Variants in GIGYF1 observed in about 807,000 individuals in gnomAD.
The protein encoded by GIGYF1 is GRB10 interacting GYF protein 1, also known as GRB10-interacting GYF protein 1.
GIGYF1 carries 84 observed loss-of-function variants against 147.1 expected under a neutral mutation model. The ratio of observed to expected loss-of-function variants is 0.57; its 90% CI spans 0.48 to 0.68. The LOEUF is 0.68. Among genes scored for constraint, GIGYF1 ranks in the 30% least tolerant of loss-of-function variants. The pLI is 0.00. For missense variants in GIGYF1, 1,485 were observed against 1,393.7 expected, an observed-to-expected ratio of 1.07 and a Z score of -1.04; for synonymous variants, 752 against 589.5, an observed-to-expected ratio of 1.28 and a Z score of -3.99.
At position 100,683,838 on chromosome 7, in the gene GIGYF1, G is replaced by A; in HGVS notation, c.1949C>T (p.Thr650Ile). 1.3e-6 allele frequency: 2 copies of A among 1,572,218 alleles called. No homozygotes were observed. The highest frequency in any genetic ancestry group is 1.7e-6 in the Non-Finnish European group (2 of 1,158,098). Residue 650 changes from threonine (T) to isoleucine (I), a missense_variant, in exon 19 of 27, where the codon ACC (threonine) becomes ATC (isoleucine). Coordinates refer to ENST00000678049, the MANE Select transcript of GIGYF1 (RefSeq NM_001375765.1). Reference protein sequence around the residue: ...PDSGRLWDVHTSASSQSGGEA... With the variant: ...PDSGRLWDVHISASSQSGGEA... ...CACACCTGACTGTGATGAGGCTGAG[G>A]TATGTACGTCCCAGAGGCGGCCCGA...
Position 100,682,397 on chromosome 7 carries a change from G to T in GIGYF1, c.2686C>A (p.Pro896Thr), listed in dbSNP as rs1461682628. The change falls in exon 24 of 27, where the codon CCC becomes ACC. Residue 896 changes from proline to threonine, a missense_variant. Physicochemically the swap from Pro to Thr is conservative, Grantham distance 38. Coordinates refer to ENST00000678049, the MANE Select transcript of GIGYF1 (RefSeq NM_001375765.1). ...TGGGTGAAGCCGTCCTGGGGCCTGG[G>T]AATGCCCTGCAGCAGCTTCAGCAGC... The part of the protein sequence containing the change: ...EKLLKLLQGI[P>T]RPQDGFTQWC... The T allele has an allele frequency of 6.2e-7, 1 of 1,613,640 alleles. No individual in the cohort carries two copies. The highest frequency in any genetic ancestry group is 8.5e-7 in the Non-Finnish European group (1 of 1,179,992).
In GIGYF1 at chr7:100,683,799, G is replaced by GA; in HGVS notation, c.1969+18dup. On this transcript the variant is annotated intron_variant, in intron 19 of 26. Coordinates refer to ENST00000678049, the MANE Select transcript of GIGYF1 (RefSeq NM_001375765.1). Reference sequence around the variant, plus strand: ...ACCCGGAGACTGCCTTGGGGGTGGGGACCAGTCAGGCCACACACCTGACTG... The same window carrying GA: ...ACCCGGAGACTGCCTTGGGGGTGGGGAACCAGTCAGGCCACACACCTGACTG... The GA allele has an allele frequency of 6.4e-7, 1 of 1,574,798 alleles. No individual in the cohort carries two copies. The highest frequency in any genetic ancestry group is 8.6e-7 in the Non-Finnish European group (1 of 1,157,942).
At position 100,684,088 on chromosome 7, in the gene GIGYF1, C is replaced by T. The variant is rs141594419; in HGVS notation, c.1800G>A (p.Pro600=). Residue 600 remains proline, a synonymous_variant, in exon 18 of 27, where the codon CCG becomes CCA. Coordinates refer to ENST00000678049, the MANE Select transcript of GIGYF1 (RefSeq NM_001375765.1). ...ALGDLTPPPP[P]PPQQQQQQLT... Reference sequence around the variant, plus strand: ...GCTGCTGCTGCTGCTGCTGTGGCGGCGGCGGTGGTGGCGGTGTCAGGTCCC... The same window carrying T: ...GCTGCTGCTGCTGCTGCTGTGGCGGTGGCGGTGGTGGCGGTGTCAGGTCCC... 76 of 1,606,508 alleles carry T rather than the reference C, an allele frequency of 4.7e-5. No homozygotes were observed. Among genetic ancestry groups the T allele is most frequent in the East Asian group, 3.6e-4 (16 of 44,858 alleles).
intron 1 of GIGYF1, 65 bp downstream of exon 1, chr7:100,694,045 T>C (rs1380997912): frequency 2.8e-5 from 4 of 142,326 alleles, no homozygotes; most frequent in Non-Finnish European, 6.2e-5. Flanking sequence ...CGCCGCGGCG[T>C]CGGGGGCGGG....
chr7:100,686,953 A>G, intron 9 of GIGYF1, 53 bp downstream of exon 9: 2 of 1,608,606 alleles, frequency 1.2e-6, no homozygotes, highest in South Asian at 1.1e-5. Context: ...AGACTGGGCC[A>G]CCCATCTTGG....
At position 100,686,369 on chromosome 7, in the gene GIGYF1, A is replaced by G; in HGVS notation, c.759T>C (p.Asp253=). 6.2e-7 allele frequency: 1 copy of G among 1,612,344 alleles called. No individual in the cohort carries two copies. ...CACACCCTCCTCGATCCCCTCGCAA[A>G]TCAAATTCAAACTTGCGCCGCCGTT... ...HGERRRKFEF[D]LRGDRGGCGE... is the part of the protein sequence containing the mutation. The change falls in exon 11 of 27, where the codon GAT becomes GAC. Residue 253 remains aspartate (D), a synonymous_variant. Coordinates refer to ENST00000678049, the MANE Select transcript of GIGYF1 (RefSeq NM_001375765.1).
Position 100,686,730 on chromosome 7 carries a change from G to A in GIGYF1, c.613C>T (p.Gln205Ter). The change falls in exon 10 of 27, where the codon CAG becomes TAG. Residue 205 changes from glutamine (Q) to a stop codon, truncating the protein, a stop_gained. Coordinates refer to ENST00000678049, the MANE Select transcript of GIGYF1 (RefSeq NM_001375765.1). LOFTEE classifies it high-confidence loss of function. ...CAGCTGCCCTCCTCCTCCTCCTCCT[G>A]TTCCTCCCGTAGGGAGCGCCAGTTC... ...SENWRSLREEQEEEEEGSWRL... is the reference protein window; with the variant it reads ...SENWRSLREE 1 of 1,613,742 alleles carries A rather than the reference G, an allele frequency of 6.2e-7. No individual in the cohort carries two copies. Among genetic ancestry groups the A allele is most frequent in the Non-Finnish European group, 8.5e-7 (1 of 1,179,958 alleles).
chr7:100,686,850 A>C lies in GIGYF1; in HGVS notation c.524-31T>G, dbSNP rs566207076. On this transcript the variant is annotated intron_variant, in intron 9 of 26. Transcript: ENST00000678049. ...AGACGGGAAGACAGGGGCAGTTATT[A>C]GAAAGGCAGCGTGGTGCCTGGACCC... 211 of 1,610,650 alleles carry C rather than the reference A, an allele frequency of 1.3e-4. 1 individual carries two copies. The South Asian group carries it at 2.3e-3, about 17-fold the overall frequency.
In GIGYF1 at chr7:100,694,187, A is replaced by G. The variant is rs1278061291; in HGVS notation, c.-1176T>C. On this transcript the variant is annotated 5_prime_UTR_variant, in exon 1 of 27. Coordinates refer to ENST00000678049, the MANE Select transcript of GIGYF1 (RefSeq NM_001375765.1). ...GGGGCCGGGGACGGCGACGGCGGCT[A>G]GCAGCGGGGGAGGGGGCGCTGGCGC... The G allele has an allele frequency of 8.4e-5, 12 of 142,336 alleles. No individual in the cohort carries two copies. The highest frequency in any genetic ancestry group is 6.2e-4 in the Admixed American group (9 of 14,414). 8.8% of individuals were successfully genotyped at this position (142,336 alleles called of 1,614,324 possible).
intron 16 of GIGYF1, 30 bp from the exon 17 acceptor site, chr7:100,684,367 C>A: frequency 6.3e-7 from 1 of 1,595,964 alleles, no homozygotes; most frequent in East Asian, 2.3e-5. Context: ...GCCAGTGCCC[C>A]CAGCAGGGAG....
At chr7:100,687,932 T>C in intron 5 of GIGYF1, 49 bp from the exon 6 acceptor site, 2 of 1,611,564 alleles carry the variant, frequency 1.2e-6, no homozygotes, top group Non-Finnish European at 1.7e-6. Context: ...CCAGATCCCC[T>C]CCACAGGCAG....
chr7:100,682,738 C>A lies in GIGYF1; in HGVS notation c.2452G>T (p.Val818Leu). Residue 818 changes from valine to leucine, a missense_variant, in exon 23 of 27, where the codon GTG becomes TTG. Coordinates refer to ENST00000678049, the MANE Select transcript of GIGYF1 (RefSeq NM_001375765.1). ...GLGTAPLNQWVSEAGPLWGGP... is the reference protein window; with the variant it reads ...GLGTAPLNQWLSEAGPLWGGP... ...CCCCACAGTGGCCCAGCCTCAGACACCCACTGGTTCAGGGGGGCAGTGCCC... is the reference window on the plus strand; with the variant it reads ...CCCCACAGTGGCCCAGCCTCAGACAACCACTGGTTCAGGGGGGCAGTGCCC... 1 of 1,554,452 alleles carries A rather than the reference C, an allele frequency of 6.4e-7. No individual in the cohort carries two copies. Among genetic ancestry groups the A allele is most frequent in the South Asian group, 1.2e-5 (1 of 81,614 alleles).
At chr7:100,687,088 C>T in intron 8 of GIGYF1, 42 bp from the exon 9 acceptor site, 1 of 1,612,900 alleles carries the variant, frequency 6.2e-7, no homozygotes, top group Non-Finnish European at 8.5e-7. Flanking sequence ...AGTACAGCCT[C>T]CCCTGCCACC....
chr7:100,687,966 C>T lies in GIGYF1; in HGVS notation c.165+15G>A, dbSNP rs764152398. On this transcript the variant is annotated intron_variant, in intron 5 of 26. Transcript: ENST00000678049. ...AGAGGCCACCACCGCCAACCCCCCTCGCCCACGCACCCACCTTGTTCTCCT... is the reference window on the plus strand; with the variant it reads ...AGAGGCCACCACCGCCAACCCCCCTTGCCCACGCACCCACCTTGTTCTCCT... The T allele has an allele frequency of 1.1e-5, 17 of 1,609,186 alleles. No individual in the cohort carries two copies. The highest frequency in any genetic ancestry group is 2.2e-5 in the South Asian group (2 of 90,834).
chr7:100,686,577 C>T (rs1584501677), intron 10 of GIGYF1, 72 bp downstream of exon 10: 12 of 1,539,212 alleles, frequency 7.8e-6, no homozygotes, highest in East Asian at 2.3e-5. Flanking sequence ...CCCGTGGCTA[C>T]AGGAGCCCAC....
rs1441681847 is a variant in GIGYF1, at chr7:100,685,423, T to C, written c.1113A>G (p.Pro371=). Residue 371 remains proline (P), a synonymous_variant, in exon 13 of 27, where the codon CCA becomes CCG. Coordinates refer to ENST00000678049, the MANE Select transcript of GIGYF1 (RefSeq NM_001375765.1). ...CCCAGAGTGGGCCCAGGGTGGGCAGTGGGGATGGGGAGCTGGACTTCTCCT... is the reference window on the plus strand; with the variant it reads ...CCCAGAGTGGGCCCAGGGTGGGCAGCGGGGATGGGGAGCTGGACTTCTCCT... ...PQEEKSSSPS[P]LPTLGPLWGT... The C allele has an allele frequency of 1.9e-6, 3 of 1,588,070 alleles. No homozygotes were observed.
intron 20 of GIGYF1, 52 bp from the exon 21 acceptor site, chr7:100,683,496 C>T (rs1805000714): frequency 6.2e-7 from 1 of 1,613,810 alleles, no homozygotes. Flanking sequence ...AGCCTGGGGC[C>T]TGCCTCGGTC....
At chr7:100,685,932 G>GC (rs755878905) in intron 12 of GIGYF1, 42 bp downstream of exon 12, 2 of 1,548,768 alleles carry the variant, frequency 1.3e-6, no homozygotes, top group African/African-American at 1.4e-5. Flanking sequence ...ACCAGTGCCT[G>GC]CCCGGCCCAG....
At position 100,685,003 on chromosome 7, in the gene GIGYF1, G is replaced by A. The variant is rs779266475; in HGVS notation, c.1290+46C>T. On this transcript the variant is annotated intron_variant, in intron 14 of 26. Transcript: ENST00000678049. ...GCCGGGGCTGGGGCCAAGCAGGTCA[G>A]GTCAGAAGTGGGAAGGGTCCCTCCC... 5 of 1,553,826 alleles carry A rather than the reference G, an allele frequency of 3.2e-6. No homozygotes were observed. In the African/African-American group the frequency reaches 5.4e-5, roughly 17 times the overall value.
Sources: allele counts gnomAD v4.1 joint callset, GRCh38; gene constraint gnomAD v4.1.1; transcripts MANE v1.5; gene names NCBI Gene and HGNC (gene_info 2026-07-23, HGNC 2026-07-21).